The following PREX2 variants were observed in gnomAD, a reference collection of about 807,000 sequenced individuals.
The protein encoded by PREX2 is phosphatidylinositol 3,4,5-trisphosphate-dependent Rac exchanger 2 protein.
PREX2 carries 107 observed loss-of-function variants against 203.2 expected under a neutral mutation model. The observed-to-expected ratio is 0.53, with a 90% confidence interval of 0.45 to 0.62. PREX2 has a LOEUF of 0.62. Ranked by LOEUF, PREX2 falls within the 20% of genes least tolerant of loss-of-function variation. The probability of loss-of-function intolerance (pLI) is 0.00; values close to 1 mark genes in which losing one functional copy is unlikely to be tolerated. For synonymous variants in PREX2, 672 were observed against 663.6 expected, an observed-to-expected ratio of 1.01 and a Z score of -0.19; for missense variants, 1,777 against 1,955.9, an observed-to-expected ratio of 0.91 and a Z score of 1.72.
In PREX2 at chr8:68,097,030, A is replaced by G. The variant is rs1810099600; in HGVS notation, c.2382A>G (p.Lys794=). 2 of 1,613,556 alleles carry G rather than the reference A, an allele frequency of 1.2e-6. No individual in the cohort carries two copies. Among genetic ancestry groups the G allele is most frequent in the African/African-American group, 1.3e-5 (1 of 74,898 alleles). ...FDCKVEEVID[K]FNTMAIIDGK... is the part of the protein sequence containing the mutation. ...TCTTTGTTCCAGAGGTTATTGACAA[A>G]TTCAACACTATGGCCATCATTGATG... is the stretch of plus-strand genomic sequence containing the variant. The change falls in exon 22 of 40, where the codon AAA becomes AAG. Residue 794 remains lysine, a synonymous_variant. Coordinates refer to ENST00000288368, the MANE Select transcript of PREX2 (RefSeq NM_024870.4).
At chr8:68,117,522 T>G (rs894276835) in intron 26 of PREX2, among the ~76,000 whole-genome samples, 1 of 152,198 alleles carries the variant, frequency 6.6e-6, no homozygotes, top group Non-Finnish European at 1.5e-5. Context: ...CAGTGGGAAA[T>G]TACATGTCTA....
Position 67,965,527 on chromosome 8 carries a change from ATG to A in PREX2, c.141+12996_141+12997del, listed in dbSNP as rs1218657240. 1.2e-3 allele frequency among the ~76,000 whole-genome samples: 176 copies of A among 151,874 alleles called. 1 individual carries two copies. The highest frequency in any genetic ancestry group is 4.0e-3 in the African/African-American group (167 of 41,410). On this transcript the variant is annotated intron_variant, in intron 1 of 39. Coordinates refer to ENST00000288368, the MANE Select transcript of PREX2 (RefSeq NM_024870.4). Reference sequence around the variant, plus strand: ...TATATATGTGTGTGTATATATATATATGTGTATATGTATATATATACACACAC... The same window carrying A: ...TATATATGTGTGTGTATATATATATATGTATATGTATATATATACACACAC...
At chr8:68,128,672 A>C (rs1357130708) in intron 31 of PREX2, among the ~76,000 whole-genome samples, 1 of 152,186 alleles carries the variant, frequency 6.6e-6, no homozygotes, top group Non-Finnish European at 1.5e-5. Context: ...GCAGGGTTCC[A>C]GGAAGACAGT....
chr8:68,228,589 C>T (rs947444390), intron 39 of PREX2, among the ~76,000 whole-genome samples: 1 of 151,820 alleles, frequency 6.6e-6, no homozygotes, highest in African/African-American at 2.4e-5. Flanking sequence ...GGTGAAACCC[C>T]ATCTCTACTA....
At chr8:68,177,603 C>T (rs969607370) in intron 35 of PREX2, among the ~76,000 whole-genome samples, 3 of 152,212 alleles carry the variant, frequency 2.0e-5, no homozygotes, top group Non-Finnish European at 4.4e-5. Context: ...TCCCCAAACT[C>T]AACATCTTTC....
chr8:67,990,394 TAA>T (rs111707841), intron 1 of PREX2, among the ~76,000 whole-genome samples: 4 of 145,204 alleles, frequency 2.8e-5, no homozygotes, highest in Admixed American at 6.9e-5. Context: ...CATGGGAGAT[TAA>T]AAAAAAAAAG....
intron 29 of PREX2, 62 bp from the exon 30 acceptor site, chr8:68,120,859 C>CT (rs1320134361): frequency 2.0e-6 from 3 of 1,498,184 alleles, no homozygotes; most frequent in Non-Finnish European, 2.7e-6. Context: ...GTTTTGAAGC[C>CT]TAAAGGCTTC....
chr8:68,085,386 C>G (rs971320840), intron 18 of PREX2, among the ~76,000 whole-genome samples: 4 of 152,044 alleles, frequency 2.6e-5, no homozygotes, highest in African/African-American at 9.7e-5. Flanking sequence ...AATGACTTTT[C>G]CTTTATGTCC....
chr8:68,224,705 C>T, intron 39 of PREX2, 79 bp downstream of exon 39: 1 of 1,055,746 alleles, frequency 9.5e-7, no homozygotes, highest in East Asian at 2.4e-5. Context: ...GCTAATGCAA[C>T]TGATCTAGGA....
intron 8 of PREX2, among the ~76,000 whole-genome samples, chr8:68,045,642 C>T (rs747117194): frequency 3.3e-5 from 5 of 152,072 alleles, no homozygotes; most frequent in Non-Finnish European, 7.4e-5. Flanking sequence ...TGAGACTGAG[C>T]ACTCAGCTTT....
intron 30 of PREX2, among the ~76,000 whole-genome samples, chr8:68,121,481 A>T (rs1810772527): frequency 1.3e-5 from 2 of 152,152 alleles, no homozygotes; most frequent in Non-Finnish European, 2.9e-5. Context: ...AAGTTTTTAT[A>T]TCAGAAGTGT....
chr8:68,093,523 T>TAAAAAAA, intron 20 of PREX2, 82 bp from the exon 21 acceptor site: 1 of 581,056 alleles, frequency 1.7e-6, no homozygotes. Context: ...TCTAGAGGAA[T>TAAAAAAA]AAATAAGGCC....
At chr8:68,083,175 TG>T (rs79583091) in intron 17 of PREX2, 64 bp from the exon 18 acceptor site, 669,132 of 1,274,774 alleles carry the variant, frequency 0.52, 176,618 homozygotes, top group South Asian at 0.55. Flanking sequence ...ATTCCAATTT[TG>T]TGAAAAACTC....
At chr8:67,980,638 A>G (rs558465526) in intron 1 of PREX2, among the ~76,000 whole-genome samples, 1 of 152,106 alleles carries the variant, frequency 6.6e-6, no homozygotes, top group South Asian at 2.1e-4. Flanking sequence ...CATAATCCCC[A>G]TGTGTCAAGG....
At chr8:68,181,629 A>T (rs41529947) in intron 35 of PREX2, among the ~76,000 whole-genome samples, 7,012 of 152,132 alleles carry the variant, frequency 0.046, 273 homozygotes, top group Non-Finnish European at 0.063. Flanking sequence ...AAAATTTATT[A>T]TGCTTGGCAG....
intron 37 of PREX2, among the ~76,000 whole-genome samples, chr8:68,200,328 T>C (rs976462545): frequency 6.6e-6 from 1 of 152,122 alleles, no homozygotes; most frequent in African/African-American, 2.4e-5. Flanking sequence ...CCACTATCTT[T>C]TCATAAAGAT....
At position 68,224,539 on chromosome 8, in the gene PREX2, G is replaced by A. The variant is rs934990910; in HGVS notation, c.4708-20G>A. On this transcript the variant is annotated intron_variant, in intron 38 of 39. Coordinates refer to ENST00000288368, the MANE Select transcript of PREX2 (RefSeq NM_024870.4). ...TTACTAACACACTGTAGGGATAAAAGTGATTTTCCTGACTTTCAGGGAGCA... is the reference window on the plus strand; with the variant it reads ...TTACTAACACACTGTAGGGATAAAAATGATTTTCCTGACTTTCAGGGAGCA... 6.2e-7 allele frequency: 1 copy of A among 1,606,218 alleles called. No individual in the cohort carries two copies. Among genetic ancestry groups the A allele is most frequent in the Non-Finnish European group, 8.5e-7 (1 of 1,172,962 alleles).
rs1807914499 is a variant in PREX2, at chr8:68,032,539, C to T, written c.705+1881C>T. ...TGGGTTTGGCAATTTGTGATAAGAA[C>T]CCCATTGCCTGTCCCAGCCCACCAC... On this transcript the variant is annotated intron_variant, in intron 6 of 39. Coordinates refer to ENST00000288368, the MANE Select transcript of PREX2 (RefSeq NM_024870.4). Among the ~76,000 whole-genome samples the T allele has an allele frequency of 2.6e-5, 4 of 152,100 alleles. No individual in the cohort carries two copies. The South Asian group carries it at 8.3e-4, about 32-fold the overall frequency.
At chr8:67,953,217 T>C (rs1805406406) in intron 1 of PREX2, among the ~76,000 whole-genome samples, 1 of 129,424 alleles carries the variant, frequency 7.7e-6, no homozygotes, top group South Asian at 2.7e-4. Flanking sequence ...TCTGCTCAGT[T>C]TCTGGTCCCC....
Sources: gnomAD v4.1 joint callset for allele counts (sites outside exome capture counted in the v4.1 genomes callset) on GRCh38, gnomAD v4.1.1 for gene constraint, MANE v1.5 for transcripts, NCBI Gene and HGNC (gene_info 2026-07-23, HGNC 2026-07-21) for gene names.